Variants in SRL observed in about 807,000 individuals in gnomAD.
SRL encodes sarcalumenin.
Under a neutral mutation model 39.5 loss-of-function variants are expected in SRL, and 23 were observed. The observed-to-expected ratio is 0.58, with a 90% CI of 0.42 to 0.82. The LOEUF (loss-of-function observed/expected upper bound fraction) is 0.82, where lower values mean the gene tolerates loss of function less well. Ranked by LOEUF, SRL falls within the 40% of genes least tolerant of loss-of-function variation. The probability of loss-of-function intolerance (pLI) is 0.00; values close to 1 mark genes in which losing one functional copy is unlikely to be tolerated. For missense variants in SRL, 592 were observed against 607.8 expected (o/e 0.97, Z 0.27); for synonymous variants, 272 against 237.4 (o/e 1.15, Z -1.34).
rs895069148 is a variant in SRL, at chr16:4,193,655, G to C, written c.611-691C>G. 2.0e-5 allele frequency among the ~76,000 whole-genome samples: 3 copies of C among 152,142 alleles called. No individual in the cohort carries two copies. In the East Asian group the frequency reaches 5.8e-4, roughly 29 times the overall value. On this transcript the variant is annotated intron_variant, in intron 5 of 5. Transcript: ENST00000399609. ...TCTGAACTGATATAAAGATTACCAT[G>C]TTGCTGTAAATATAGGACAGCACCT...
rs8054937 is a variant in SRL, at chr16:4,204,724, A to C, written c.62-90T>G. ...GCACAGCAGACGAGGGCTGGGCCTCAAGCAGGGGCTCAACAGGGTCTTGCC... is the reference window on the plus strand; with the variant it reads ...GCACAGCAGACGAGGGCTGGGCCTCCAGCAGGGGCTCAACAGGGTCTTGCC... On this transcript the variant is annotated intron_variant, in intron 1 of 5. Coordinates refer to ENST00000399609, the MANE Select transcript of SRL (RefSeq NM_001098814.2). 26 of 1,150,906 alleles carry C rather than the reference A, an allele frequency of 2.3e-5. No homozygotes were observed. In the East Asian group the frequency reaches 3.3e-4, roughly 15 times the overall value. 71.3% of individuals were successfully genotyped at this position (1,150,906 alleles called of 1,614,324 possible). A position where few individuals can be genotyped will look rare whatever the true frequency, so the allele number is the denominator to read the frequency against.
At chr16:4,207,933 C>T (rs1014751270) in intron 1 of SRL, 1 of 456,672 alleles carries the variant, frequency 2.2e-6, no homozygotes, top group Non-Finnish European at 4.4e-6. Flanking sequence ...CTTCTTGGGG[C>T]TCTCGGCCTC....
intron 3 of SRL, among the ~76,000 whole-genome samples, chr16:4,202,865 C>A (rs1342770804): frequency 6.6e-6 from 1 of 152,140 alleles, no homozygotes; most frequent in African/African-American, 2.4e-5. Context: ...GCATCATCGC[C>A]TTTGAAAACT....
chr16:4,233,755 C>T (rs1597297582), intron 1 of SRL, among the ~76,000 whole-genome samples: 1 of 152,184 alleles, frequency 6.6e-6, no homozygotes, highest in African/African-American at 2.4e-5. Flanking sequence ...TCCCTGCTCT[C>T]ATCAAATGCC....
intron 1 of SRL, among the ~76,000 whole-genome samples, chr16:4,214,384 TAC>T (rs2052429665): frequency 6.6e-6 from 1 of 152,200 alleles, no homozygotes; most frequent in Non-Finnish European, 1.5e-5. Flanking sequence ...CCATTACTCA[TAC>T]ACAGTTATGC....
Position 4,190,374 on chromosome 16 carries a change from C to G in SRL, c.*1779G>C. Reference sequence around the variant, plus strand: ...AGCTGGTGCATCCTGACTCCTGCCTCGTGGGTAAGGCCCCCAGGACAGCTT... The same window carrying G: ...AGCTGGTGCATCCTGACTCCTGCCTGGTGGGTAAGGCCCCCAGGACAGCTT... On this transcript the variant is annotated 3_prime_UTR_variant, in exon 6 of 6. Coordinates refer to ENST00000399609, the MANE Select transcript of SRL (RefSeq NM_001098814.2). The G allele has an allele frequency of 2.5e-6, 1 of 398,754 alleles. No individual in the cohort carries two copies. Among genetic ancestry groups the G allele is most frequent in the Non-Finnish European group, 4.4e-6 (1 of 226,160 alleles). The allele number at this position is 398,754 out of a possible 1,614,324, so 24.7% of individuals were successfully genotyped here. A position where few individuals can be genotyped will look rare whatever the true frequency, so the allele number is the denominator to read the frequency against.
intron 2 of SRL, among the ~76,000 whole-genome samples, chr16:4,204,123 A>G (rs1159345463): frequency 6.6e-6 from 1 of 152,246 alleles, no homozygotes. Context: ...CTCATTGATT[A>G]AGAGGAGACA....
In SRL at chr16:4,220,278, A is replaced by AACACACACACACACACACACACAC. The variant is rs71394664; in HGVS notation, c.62-15668_62-15645dup. On this transcript the variant is annotated intron_variant, in intron 1 of 5. Coordinates refer to ENST00000399609, the MANE Select transcript of SRL (RefSeq NM_001098814.2). The stretch of plus-strand genomic sequence containing the variant: ...CATAGCGAAAATCTGTCTCTACTAA[A>AACACACACACACACACACACACAC]ACACACACACACACACACACACACA... 7.5e-4 allele frequency among the ~76,000 whole-genome samples: 105 copies of AACACACACACACACACACACACAC among 140,790 alleles called. 1 individual carries two copies. The highest frequency in any genetic ancestry group is 2.5e-3 in the African/African-American group (93 of 37,058). 92.4% of individuals were successfully genotyped at this position (140,790 alleles called of 152,430 possible). A position where few individuals can be genotyped will look rare whatever the true frequency, so the allele number is the denominator to read the frequency against.
intron 1 of SRL, among the ~76,000 whole-genome samples, chr16:4,224,487 C>T (rs948261390): frequency 1.3e-5 from 2 of 152,088 alleles, no homozygotes; most frequent in Admixed American, 1.3e-4. Flanking sequence ...GGGAGGATTG[C>T]TTGAGCTCAG....
chr16:4,206,489 G>C (rs141485562), intron 1 of SRL, among the ~76,000 whole-genome samples: 1 of 152,164 alleles, frequency 6.6e-6, no homozygotes. Flanking sequence ...CCTAAGGGGA[G>C]GTTCTGGGGC....
chr16:4,231,330 C>T (rs2052658182), intron 1 of SRL, among the ~76,000 whole-genome samples: 1 of 152,122 alleles, frequency 6.6e-6, no homozygotes, highest in Non-Finnish European at 1.5e-5. Flanking sequence ...AAAACAATTG[C>T]TGTGGCTTTA....
rs116722738 is a variant in SRL, at chr16:4,203,460, T to C, written c.164-199A>G. Among the ~76,000 whole-genome samples the C allele has an allele frequency of 3.3e-3, 501 of 152,278 alleles. 1 individual carries two copies. The highest frequency in any genetic ancestry group is 0.011 in the African/African-American group (474 of 41,550). Reference sequence around the variant, plus strand: ...ATCTCAACTCGCAGAAACCTCCAAATGAAAAGGCATTCTCCTACCCACCCC... The same window carrying C: ...ATCTCAACTCGCAGAAACCTCCAAACGAAAAGGCATTCTCCTACCCACCCC... On this transcript the variant is annotated intron_variant, in intron 2 of 5. Coordinates refer to ENST00000399609, the MANE Select transcript of SRL (RefSeq NM_001098814.2).
At chr16:4,206,652 C>A in intron 1 of SRL, 1 of 456,392 alleles carries the variant, frequency 2.2e-6, no homozygotes, top group Non-Finnish European at 4.4e-6. Context: ...CCCTGCCTGT[C>A]CCCTACACAC....
chr16:4,207,786 G>A (rs974098205), intron 1 of SRL: 1 of 455,288 alleles, frequency 2.2e-6, no homozygotes, highest in Non-Finnish European at 4.4e-6. Flanking sequence ...GCTTGCCACT[G>A]GTGGGCCATT....
chr16:4,197,065 T>TC (rs1457329111), intron 4 of SRL, among the ~76,000 whole-genome samples: 97 of 70,628 alleles, frequency 1.4e-3, no homozygotes, highest in African/African-American at 6.4e-3. Flanking sequence ...ATTTTCTTTT[T>TC]TTTTTTTTTT....
At chr16:4,237,488 C>T (rs1363246773) in intron 1 of SRL, among the ~76,000 whole-genome samples, 1 of 152,146 alleles carries the variant, frequency 6.6e-6, no homozygotes, top group Non-Finnish European at 1.5e-5. Context: ...TAATCAGTCT[C>T]CCCCTCCCTA....
intron 1 of SRL, among the ~76,000 whole-genome samples, chr16:4,232,014 T>C (rs2052664654): frequency 6.6e-6 from 1 of 152,198 alleles, no homozygotes; most frequent in South Asian, 2.1e-4. Flanking sequence ...GGCGGCTGAT[T>C]TGTGACAAAA....
chr16:4,198,419 C>T (rs2052178047), intron 3 of SRL, among the ~76,000 whole-genome samples: 1 of 152,142 alleles, frequency 6.6e-6, no homozygotes, highest in African/African-American at 2.4e-5. Flanking sequence ...ACAGCCTAAT[C>T]CTGGACTCTG....
Position 4,189,851 on chromosome 16 carries a change from C to G in SRL, c.*2302G>C. The stretch of plus-strand genomic sequence containing the variant: ...TTTTTTTGTTTTTCCCCTGACTACA[C>G]AGAAAAACAGATCTGCCAAAGCAGC... On this transcript the variant is annotated 3_prime_UTR_variant, in exon 6 of 6. Transcript: ENST00000399609. 6.2e-6 allele frequency: 1 copy of G among 160,548 alleles called. No individual in the cohort carries two copies. The highest frequency in any genetic ancestry group is 1.4e-5 in the Non-Finnish European group (1 of 74,024). The allele number at this position is 160,548 out of a possible 1,614,324, so 9.9% of individuals were successfully genotyped here.
Sources: allele counts gnomAD v4.1 joint callset (sites outside exome capture counted in the v4.1 genomes callset), GRCh38; gene constraint gnomAD v4.1.1; transcripts MANE v1.5; gene names NCBI Gene and HGNC (gene_info 2026-07-23, HGNC 2026-07-21).